Variants in ARHGAP15 observed in about 807,000 individuals in gnomAD.
ARHGAP15 encodes the protein Rho GTPase activating protein 15.
Under a neutral mutation model 63.7 loss-of-function variants are expected in ARHGAP15, and 51 were observed. The ratio of observed to expected loss-of-function variants is 0.80; its 90% CI spans 0.64 to 1.01. The LOEUF (loss-of-function observed/expected upper bound fraction) is 1.01, where lower values mean the gene tolerates loss of function less well. Among genes scored for constraint, ARHGAP15 ranks in the 50% least tolerant of loss-of-function variants. The probability of loss-of-function intolerance (pLI) is 0.00; values close to 1 mark genes in which losing one functional copy is unlikely to be tolerated. For missense variants in ARHGAP15, 560 were observed against 564.6 expected (o/e 0.99, Z 0.08); for synonymous variants, 191 against 193.8 (o/e 0.99, Z 0.12).
At chr2:143,303,653 C>T (rs112910976) in intron 6 of ARHGAP15, among the ~76,000 whole-genome samples, 10,443 of 152,186 alleles carry the variant, frequency 0.069, 477 homozygotes, top group Non-Finnish European at 0.11. Flanking sequence ...GCAAAAGAAA[C>T]TACCATCAGA....
At chr2:143,569,511 G>A (rs1696370374) in intron 11 of ARHGAP15, among the ~76,000 whole-genome samples, 1 of 152,074 alleles carries the variant, frequency 6.6e-6, no homozygotes, top group Admixed American at 6.6e-5. Flanking sequence ...AGAGATGTGG[G>A]GGGAGTGCAA....
intron 2 of ARHGAP15, among the ~76,000 whole-genome samples, chr2:143,158,806 G>A (rs562787037): frequency 6.6e-6 from 1 of 152,062 alleles, no homozygotes; most frequent in South Asian, 2.1e-4. Context: ...ACAGCTGAGG[G>A]CCAATAGATG....
At chr2:143,621,883 C>T (rs1248865705) in intron 11 of ARHGAP15, among the ~76,000 whole-genome samples, 2 of 152,136 alleles carry the variant, frequency 1.3e-5, no homozygotes, top group Non-Finnish European at 2.9e-5. Flanking sequence ...TTTCCTTGCT[C>T]AAGTTAAAAT....
At chr2:143,445,789 C>G (rs903139938) in intron 8 of ARHGAP15, among the ~76,000 whole-genome samples, 1 of 152,146 alleles carries the variant, frequency 6.6e-6, no homozygotes, top group Non-Finnish European at 1.5e-5. Flanking sequence ...CATAGTTATT[C>G]TTGCAGCTCT....
At chr2:143,504,389 G>A (rs546127078) in intron 9 of ARHGAP15, among the ~76,000 whole-genome samples, 1 of 152,262 alleles carries the variant, frequency 6.6e-6, no homozygotes, top group South Asian at 2.1e-4. Flanking sequence ...CAGCCTGCTT[G>A]GAAGGAAATA....
intron 1 of ARHGAP15, among the ~76,000 whole-genome samples, chr2:143,135,438 G>A (rs1048451359): frequency 2.6e-5 from 4 of 152,138 alleles, no homozygotes; most frequent in African/African-American, 9.7e-5. Context: ...CCTAAGGATT[G>A]CTGGAGATAC....
At chr2:143,157,833 A>G (rs1444092661) in intron 2 of ARHGAP15, among the ~76,000 whole-genome samples, 1 of 151,826 alleles carries the variant, frequency 6.6e-6, no homozygotes, top group African/African-American at 2.4e-5. Context: ...TAAGAACTTG[A>G]TTTTTCAGAA....
At chr2:143,156,346 A>C (rs1690078161) in intron 2 of ARHGAP15, among the ~76,000 whole-genome samples, 1 of 151,886 alleles carries the variant, frequency 6.6e-6, no homozygotes, top group Non-Finnish European at 1.5e-5. Flanking sequence ...GGTAACTTGC[A>C]GCTGAGGCCA....
At chr2:143,251,534 G>A (rs1434553116) in intron 6 of ARHGAP15, among the ~76,000 whole-genome samples, 2 of 151,852 alleles carry the variant, frequency 1.3e-5, no homozygotes, top group Admixed American at 6.6e-5. Flanking sequence ...TTTCCAGTTC[G>A]GTTTGTATTT....
At chr2:143,507,085 CGTGTAAA>C (rs745626399) in intron 9 of ARHGAP15, among the ~76,000 whole-genome samples, 4 of 152,000 alleles carry the variant, frequency 2.6e-5, no homozygotes, top group Non-Finnish European at 5.9e-5. Flanking sequence ...CTTTTCCTAC[CGTGTAAA>C]GTTTTGTTGA....
At chr2:143,485,630 G>T (rs1323181206) in intron 8 of ARHGAP15, among the ~76,000 whole-genome samples, 1 of 151,978 alleles carries the variant, frequency 6.6e-6, no homozygotes, top group Non-Finnish European at 1.5e-5. Context: ...CACCCTCATG[G>T]ACCTATGGCA....
At chr2:143,571,125 A>G (rs1227865585) in intron 11 of ARHGAP15, among the ~76,000 whole-genome samples, 1 of 152,232 alleles carries the variant, frequency 6.6e-6, no homozygotes, top group African/African-American at 2.4e-5. Flanking sequence ...CTAATGCCTA[A>G]TGATCTGTCA....
chr2:143,635,406 C>T (rs1241684204), intron 12 of ARHGAP15, among the ~76,000 whole-genome samples: 4 of 151,892 alleles, frequency 2.6e-5, no homozygotes, highest in Non-Finnish European at 5.9e-5. Context: ...TTACCCAGTA[C>T]TCTTGTTTGC....
At chr2:143,571,638 T>C (rs1696459655) in intron 11 of ARHGAP15, among the ~76,000 whole-genome samples, 1 of 152,214 alleles carries the variant, frequency 6.6e-6, no homozygotes, top group African/African-American at 2.4e-5. Context: ...CTGCATTTCT[T>C]GCTGTTTCAC....
chr2:143,341,166 A>T (rs1285532028), intron 6 of ARHGAP15, among the ~76,000 whole-genome samples: 1 of 152,058 alleles, frequency 6.6e-6, no homozygotes, highest in Non-Finnish European at 1.5e-5. Context: ...TATGGCATTT[A>T]TCTACCTCTC....
At chr2:143,512,954 C>T (rs764509316) in intron 9 of ARHGAP15, among the ~76,000 whole-genome samples, 1 of 152,240 alleles carries the variant, frequency 6.6e-6, no homozygotes, top group Non-Finnish European at 1.5e-5. Context: ...ACCTCAGTCT[C>T]TCAGTATCCA....
At chr2:143,637,652 C>A (rs1680387792) in intron 12 of ARHGAP15, among the ~76,000 whole-genome samples, 1 of 151,002 alleles carries the variant, frequency 6.6e-6, no homozygotes, top group Non-Finnish European at 1.5e-5. Flanking sequence ...CCATATAAGA[C>A]AAATTGCAAG....
chr2:143,386,561 CTG>C (rs1001659947), intron 6 of ARHGAP15, among the ~76,000 whole-genome samples: 3 of 152,112 alleles, frequency 2.0e-5, no homozygotes, highest in African/African-American at 7.2e-5. Context: ...GAGAAATAGA[CTG>C]AAGTTAGAAT....
chr2:143,344,458 T>TG (rs1685183829), intron 6 of ARHGAP15, among the ~76,000 whole-genome samples: 1 of 152,036 alleles, frequency 6.6e-6, no homozygotes, highest in Non-Finnish European at 1.5e-5. Flanking sequence ...TATAGTAGAG[T>TG]GTGTATTAAG....
Sources: gnomAD v4.1 joint callset for allele counts (sites outside exome capture counted in the v4.1 genomes callset) on GRCh38, gnomAD v4.1.1 for gene constraint, MANE v1.5 for transcripts, NCBI Gene and HGNC (gene_info 2026-07-23, HGNC 2026-07-21) for gene names.